The following EPHB3 variants were observed in gnomAD, a reference collection of about 807,000 sequenced individuals.
EPHB3 encodes ephrin type-B receptor 3.
A neutral mutation model predicts 100.2 loss-of-function variants in EPHB3; 33 were observed. That is an observed-to-expected ratio of 0.33 (90% CI 0.25 to 0.44). The LOEUF (loss-of-function observed/expected upper bound fraction) is 0.44. Ranked by LOEUF, EPHB3 falls within the 20% of genes least tolerant of loss-of-function variation. The pLI is 1.00. For synonymous variants in EPHB3, 526 were observed against 554.7 expected (o/e 0.95, Z 0.73); for missense variants, 1,045 against 1,378.3 (o/e 0.76, Z 3.83).
At chr3:184,575,703 C>T (rs1714657832) in intron 3 of EPHB3, 127 bp from the exon 4 acceptor site, 2 of 1,212,636 alleles carry the variant, frequency 1.6e-6, no homozygotes, top group East Asian at 5.9e-5. Flanking sequence ...CCAGCATTGC[C>T]CCCACAGTCT....
chr3:184,580,379 C>T (rs764591931), intron 11 of EPHB3, 23 bp from the exon 12 acceptor site: 1 of 1,614,118 alleles, frequency 6.2e-7, no homozygotes, highest in Admixed American at 1.7e-5. Flanking sequence ...ATGGGCTCAC[C>T]TGAGCCTGCT....
rs549325655 is a variant in EPHB3, at chr3:184,576,916, C to T, written c.1087C>T (p.Arg363Trp). 1.1e-5 allele frequency: 17 copies of T among 1,595,734 alleles called. No individual in the cohort carries two copies. The highest frequency in any genetic ancestry group is 9.0e-5 in the East Asian group (4 of 44,570). The part of the protein sequence containing the change: ...TSLILEWSEP[R>W]DLGGRDDLLY... ...ACTGATCCTCGAGTGGAGTGAGCCC[C>T]GGGACCTGGGTGGCCGGGATGACCT... Residue 363 changes from arginine (R) to tryptophan (W), a missense_variant, in exon 5 of 16, where the codon CGG becomes TGG. By Grantham distance (101) the Arg-to-Trp change is moderately radical. Around this residue, in one of 2 missense-constraint regions of EPHB3, gnomAD observed 985 missense variants for 1,331.1 expected, o/e 0.74. Transcript: ENST00000330394.
chr3:184,570,049 G>A (rs142369243), intron 1 of EPHB3, among the ~76,000 whole-genome samples: 1 of 152,340 alleles, frequency 6.6e-6, no homozygotes, highest in African/African-American at 2.4e-5. Context: ...GGGAGCAAGT[G>A]TATGTCAGAA....
In EPHB3 at chr3:184,562,137, C is replaced by A; in HGVS notation, c.-99C>A. Reference sequence around the variant, plus strand: ...TCCTGGGACCCGACGCGAGCCTGCCCCGGAGCCCGCCGAGCGCACCCTCTC... The same window carrying A: ...TCCTGGGACCCGACGCGAGCCTGCCACGGAGCCCGCCGAGCGCACCCTCTC... On this transcript the variant is annotated 5_prime_UTR_variant, in exon 1 of 16. Transcript: ENST00000330394. This position sits in a 1 kb window ranked among gnomAD's most constrained non-coding sequence, Gnocchi z 4.8. The A allele has an allele frequency of 5.4e-6, 1 of 184,172 alleles. No individual in the cohort carries two copies. The highest frequency in any genetic ancestry group is 1.7e-4 in the South Asian group (1 of 6,026). 11.4% of individuals were successfully genotyped at this position (184,172 alleles called of 1,614,324 possible).
intron 4 of EPHB3, 67 bp from the exon 5 acceptor site, chr3:184,576,775 A>T: frequency 6.8e-7 from 1 of 1,464,512 alleles, no homozygotes; most frequent in South Asian, 1.4e-5. Flanking sequence ...AGTGTGCTGG[A>T]ACTCCGGGCA....
chr3:184,562,215 G>C lies in EPHB3; in HGVS notation c.-21G>C. 1.4e-6 allele frequency: 1 copy of C among 704,508 alleles called. No individual in the cohort carries two copies. The highest frequency in any genetic ancestry group is 1.8e-6 in the Non-Finnish European group (1 of 548,062). 43.6% of individuals were successfully genotyped at this position (704,508 alleles called of 1,614,324 possible). A position where few individuals can be genotyped will look rare whatever the true frequency, so the allele number is the denominator to read the frequency against. On this transcript the variant is annotated 5_prime_UTR_variant, in exon 1 of 16. Transcript: ENST00000330394. The surrounding 1 kb of genome is among the most constrained non-coding windows in gnomAD (Gnocchi z 4.8). ...GCCCGGCCCGGCGCGGCCCGGCTCG[G>C]CTCCTAGAGCTGCCACGGCCATGGC... is the stretch of plus-strand genomic sequence containing the variant.
chr3:184,573,298 G>A lies in EPHB3; in HGVS notation c.856+122G>A. ...GAGGTCTGGGAGCAGGTCCACAGTG[G>A]AGGCAGGAGAGGGAAGAGTGGGGAT... On this transcript the variant is annotated intron_variant, in intron 3 of 15. Coordinates refer to ENST00000330394, the MANE Select transcript of EPHB3 (RefSeq NM_004443.4). The surrounding 1 kb of genome is among the most constrained non-coding windows in gnomAD (Gnocchi z 4.5). 8.2e-7 allele frequency: 1 copy of A among 1,220,090 alleles called. No homozygotes were observed. Among genetic ancestry groups the A allele is most frequent in the Non-Finnish European group, 1.1e-6 (1 of 875,016 alleles). The allele number at this position is 1,220,090 out of a possible 1,614,324, so 75.6% of individuals were successfully genotyped here. A position where few individuals can be genotyped will look rare whatever the true frequency, so the allele number is the denominator to read the frequency against.
At position 184,581,661 on chromosome 3, in the gene EPHB3, T is replaced by G. The variant is rs1714826880; in HGVS notation, c.*39T>G. On this transcript the variant is annotated 3_prime_UTR_variant, in exon 16 of 16. Coordinates refer to ENST00000330394, the MANE Select transcript of EPHB3 (RefSeq NM_004443.4). Reference sequence around the variant, plus strand: ...GGGGACCCTGAGGACCGTGCAGGGATGCCAAGCAGCCGGCTGGACTTTCGG... The same window carrying G: ...GGGGACCCTGAGGACCGTGCAGGGAGGCCAAGCAGCCGGCTGGACTTTCGG... 6.6e-7 allele frequency: 1 copy of G among 1,524,632 alleles called. No homozygotes were observed. Among genetic ancestry groups the G allele is most frequent in the East Asian group, 2.4e-5 (1 of 42,290 alleles). 94.4% of individuals were successfully genotyped at this position (1,524,632 alleles called of 1,614,324 possible). A position where few individuals can be genotyped will look rare whatever the true frequency, so the allele number is the denominator to read the frequency against.
rs368022686 is a variant in EPHB3, at chr3:184,581,458, G to C, written c.2888+50G>C. The stretch of plus-strand genomic sequence containing the variant: ...AGCAGGGCAGGGGGCCCTAGGCTGG[G>C]CCCAGAGTTGAGGGCACGAGGAAAG... On this transcript the variant is annotated intron_variant, in intron 15 of 15. Coordinates refer to ENST00000330394, the MANE Select transcript of EPHB3 (RefSeq NM_004443.4). The C allele has an allele frequency of 3.9e-5, 62 of 1,592,344 alleles. No homozygotes were observed. The African/African-American group carries it at 7.8e-4, about 20-fold the overall frequency.
chr3:184,575,292 C>T (rs1051955281), intron 3 of EPHB3: 3 of 953,834 alleles, frequency 3.1e-6, no homozygotes, highest in African/African-American at 1.8e-5. Flanking sequence ...CACCCGTCCT[C>T]AGCCCCCATC....
chr3:184,573,007 G>A lies in EPHB3; in HGVS notation c.687G>A (p.Ala229=), dbSNP rs747329213. The A allele has an allele frequency of 9.9e-6, 16 of 1,612,028 alleles. No individual in the cohort carries two copies. Among genetic ancestry groups the A allele is most frequent in the Admixed American group, 1.7e-5 (1 of 59,934 alleles). Residue 229 remains alanine (A), a synonymous_variant, in exon 3 of 16, where the codon GCG becomes GCA. Transcript: ENST00000330394. The surrounding 1 kb of genome is among the most constrained non-coding windows in gnomAD (Gnocchi z 4.5). ...TCTTCCCCGAGACCCTCACTGGGGC[G>A]GAGCCCACCTCGCTGGTCATTGCTC... The part of the protein sequence containing the change: ...FALFPETLTG[A]EPTSLVIAPG...
Position 184,580,316 on chromosome 3 carries a change from C to A in EPHB3, c.2173-86C>A, listed in dbSNP as rs143538254. ...GGTTGCAGGAGAGACGAGGTAGAGT[C>A]TGAGTACTCGGAGAGGGAAGGCAGG... On this transcript the variant is annotated intron_variant, in intron 11 of 15. Coordinates refer to ENST00000330394, the MANE Select transcript of EPHB3 (RefSeq NM_004443.4). 1.9e-6 allele frequency: 3 copies of A among 1,545,176 alleles called. No homozygotes were observed. In the South Asian group the frequency reaches 3.4e-5, roughly 18 times the overall value.
In EPHB3 at chr3:184,580,966, G is replaced by T; in HGVS notation, c.2539-6G>T. 1 of 1,609,380 alleles carries T rather than the reference G, an allele frequency of 6.2e-7. No homozygotes were observed. Among genetic ancestry groups the T allele is most frequent in the East Asian group, 2.2e-5 (1 of 44,738 alleles). Reference sequence around the variant, plus strand: ...CTCACTCAGGGTTTCCCTGCCTTCGGCCCAGGTCATCAATGCCGTGGAGCA... The same window carrying T: ...CTCACTCAGGGTTTCCCTGCCTTCGTCCCAGGTCATCAATGCCGTGGAGCA... On this transcript the variant is annotated splice_region_variant and splice_polypyrimidine_tract_variant and intron_variant, in intron 13 of 15. Transcript: ENST00000330394.
chr3:184,579,974 G>T lies in EPHB3; in HGVS notation c.2172+40G>T. On this transcript the variant is annotated intron_variant, in intron 11 of 15. Transcript: ENST00000330394. This position sits in a 1 kb window ranked among gnomAD's most constrained non-coding sequence, Gnocchi z 5.2. ...CCAGGCCCTCTCCCTCCCCCAGAGA[G>T]TTGGATTGGGCTCACCATCCCCTCC... is the stretch of plus-strand genomic sequence containing the variant. 6.3e-7 allele frequency: 1 copy of T among 1,592,318 alleles called. No individual in the cohort carries two copies. Among genetic ancestry groups the T allele is most frequent in the Non-Finnish European group, 8.5e-7 (1 of 1,169,938 alleles).
At chr3:184,575,053 C>T (rs13089116) in intron 3 of EPHB3, 66,721 of 772,764 alleles carry the variant, frequency 0.086, 3,035 homozygotes, top group Middle Eastern at 0.12. Flanking sequence ...ATTACTAGTG[C>T]CTCCTTTGAC....
intron 3 of EPHB3, among the ~76,000 whole-genome samples, chr3:184,574,468 C>G (rs1714624817): frequency 6.6e-6 from 1 of 152,236 alleles, no homozygotes; most frequent in African/African-American, 2.4e-5. Flanking sequence ...CGGAAGCCTC[C>G]TCCTGTGCTC....
intron 1 of EPHB3, among the ~76,000 whole-genome samples, chr3:184,566,099 AG>A (rs1714379046): frequency 6.6e-6 from 1 of 152,026 alleles, no homozygotes; most frequent in South Asian, 2.1e-4. Context: ...CCCCTGCCCA[AG>A]GGCTAGCCCT....
intron 1 of EPHB3, among the ~76,000 whole-genome samples, chr3:184,568,068 GC>G (rs1291510679): frequency 6.6e-6 from 1 of 152,162 alleles, no homozygotes; most frequent in Non-Finnish European, 1.5e-5. Context: ...TCACTCTTTA[GC>G]CCCAGTGGCG....
Position 184,579,970 on chromosome 3 carries a change from G to A in EPHB3, c.2172+36G>A. 1 of 1,597,554 alleles carries A rather than the reference G, an allele frequency of 6.3e-7. No individual in the cohort carries two copies. Among genetic ancestry groups the A allele is most frequent in the Non-Finnish European group, 8.5e-7 (1 of 1,172,408 alleles). On this transcript the variant is annotated intron_variant, in intron 11 of 15. Coordinates refer to ENST00000330394, the MANE Select transcript of EPHB3 (RefSeq NM_004443.4). This position sits in a 1 kb window ranked among gnomAD's most constrained non-coding sequence, Gnocchi z 5.2. Reference sequence around the variant, plus strand: ...GCCCCCAGGCCCTCTCCCTCCCCCAGAGAGTTGGATTGGGCTCACCATCCC... The same window carrying A: ...GCCCCCAGGCCCTCTCCCTCCCCCAAAGAGTTGGATTGGGCTCACCATCCC...
Sources: allele counts gnomAD v4.1 joint callset (sites outside exome capture counted in the v4.1 genomes callset), GRCh38; gene constraint gnomAD v4.1.1; regional missense constraint gnomAD v4.1.1; non-coding constraint Gnocchi (gnomAD v3.1); transcripts MANE v1.5; gene names NCBI Gene and HGNC (gene_info 2026-07-23, HGNC 2026-07-21).